The following TFAP2E variants were observed in gnomAD, a reference collection of about 807,000 sequenced individuals.
TFAP2E encodes transcription factor AP-2 epsilon, also known as transcription factor AP-2-epsilon.
Under a neutral mutation model 37.9 loss-of-function variants are expected in TFAP2E, and 30 were observed. The observed-to-expected ratio is 0.79, with a 90% CI of 0.59 to 1.07. TFAP2E has a LOEUF of 1.07. Ranked by LOEUF, TFAP2E falls within the 50% of genes least tolerant of loss-of-function variation. TFAP2E has a pLI of 0.00. For missense variants in TFAP2E, 567 were observed against 637.9 expected (o/e 0.89, Z 1.20); for synonymous variants, 318 against 295.8 (o/e 1.08, Z -0.77).
chr1:35,586,591 G>A (rs765947799), intron 3 of TFAP2E, among the ~76,000 whole-genome samples: 1 of 152,146 alleles, frequency 6.6e-6, no homozygotes, highest in Non-Finnish European at 1.5e-5. Flanking sequence ...GGCACATAAA[G>A]AAATGAAAGT....
intron 3 of TFAP2E, among the ~76,000 whole-genome samples, chr1:35,580,092 C>A (rs771522529): frequency 6.6e-6 from 1 of 152,118 alleles, no homozygotes; most frequent in Non-Finnish European, 1.5e-5. Flanking sequence ...CGCCTGTAGT[C>A]CCAGCTACTC....
At chr1:35,585,354 G>A (rs1649454766) in intron 3 of TFAP2E, among the ~76,000 whole-genome samples, 1 of 152,132 alleles carries the variant, frequency 6.6e-6, no homozygotes, top group African/African-American at 2.4e-5. Flanking sequence ...AACAAACCAG[G>A]AGCTTTGTGT....
chr1:35,585,118 CAGTA>C (rs1252785403), intron 3 of TFAP2E, among the ~76,000 whole-genome samples: 2 of 152,036 alleles, frequency 1.3e-5, no homozygotes, highest in African/African-American at 4.8e-5. Context: ...TGCCTAAACT[CAGTA>C]GAGTGGAGCA....
rs1175734957 is a variant in TFAP2E at position 35,594,853 on chromosome 1, G to T, written c.*177G>T. 3.4e-6 allele frequency: 3 copies of T among 876,222 alleles called. No homozygotes were observed. The highest frequency in any genetic ancestry group is 5.1e-6 in the Non-Finnish European group (3 of 583,728). 54.3% of individuals were successfully genotyped at this position (876,222 alleles called of 1,614,324 possible). ...TGGAGTAAGGGAGGGTGGCCTCTCT[G>T]TGGTGGTGTGTTGGTAAGTTAAGGG... On this transcript the variant is annotated 3_prime_UTR_variant, in exon 7 of 7. Coordinates refer to ENST00000373235, the MANE Select transcript of TFAP2E (RefSeq NM_178548.4).
chr1:35,576,896 G>C (rs889381205), intron 3 of TFAP2E, among the ~76,000 whole-genome samples: 1 of 151,912 alleles, frequency 6.6e-6, no homozygotes, highest in African/African-American at 2.4e-5. Context: ...ACAACCGCGC[G>C]GGACGGGGCC....
At chr1:35,582,994 C>T (rs1182105714) in intron 3 of TFAP2E, among the ~76,000 whole-genome samples, 1 of 151,982 alleles carries the variant, frequency 6.6e-6, no homozygotes, top group Non-Finnish European at 1.5e-5. Context: ...CTTCCGCCTC[C>T]CGGGTTCAAG....
chr1:35,574,476 A>AGAAGGTGACAAATGCAG (rs1553120817), intron 2 of TFAP2E, 67 bp downstream of exon 2: 1 of 1,351,118 alleles, frequency 7.4e-7, no homozygotes, highest in African/African-American at 1.5e-5. Flanking sequence ...GGCTGGAGGC[A>AGAAGGTGACAAATGCAG]GAAGGTGACA....
At position 35,594,431 on chromosome 1, in the gene TFAP2E, G is replaced by A. The variant is rs1257084583; in HGVS notation, c.1084G>A (p.Asp362Asn). ...CKEFADLMAQDRSPLGNSRPA... is the reference protein window; with the variant it reads ...CKEFADLMAQNRSPLGNSRPA... ...GGAGTTTGCAGACTTGATGGCTCAG[G>A]ACCGCTCACCGCTGGGCAACAGCCG... Residue 362 changes from aspartate (D) to asparagine (N), a missense_variant, in exon 7 of 7, where the codon GAC becomes AAC. Physicochemically the swap from Asp to Asn is conservative, Grantham distance 23 (BLOSUM62 1). Transcript: ENST00000373235. 2 of 1,614,096 alleles carry A rather than the reference G, an allele frequency of 1.2e-6. No homozygotes were observed. Among genetic ancestry groups the A allele is most frequent in the Non-Finnish European group, 1.7e-6 (2 of 1,180,030 alleles).
At chr1:35,581,818 C>T (rs948262144) in intron 3 of TFAP2E, among the ~76,000 whole-genome samples, 3 of 151,916 alleles carry the variant, frequency 2.0e-5, no homozygotes, top group Non-Finnish European at 4.4e-5. Context: ...GTGATCCACC[C>T]GCCTTGGCCT....
At position 35,594,753 on chromosome 1, in the gene TFAP2E, G is replaced by T. The variant is rs1649784775; in HGVS notation, c.*77G>T. Reference sequence around the variant, plus strand: ...TTAGCTCTTGGGGGTGGGCCTGGAAGGACTGAAAGGTGGGATTAGAGTCAG... The same window carrying T: ...TTAGCTCTTGGGGGTGGGCCTGGAATGACTGAAAGGTGGGATTAGAGTCAG... On this transcript the variant is annotated 3_prime_UTR_variant, in exon 7 of 7. Transcript: ENST00000373235. 1 of 1,585,610 alleles carries T rather than the reference G, an allele frequency of 6.3e-7. No individual in the cohort carries two copies. The highest frequency in any genetic ancestry group is 1.1e-5 in the South Asian group (1 of 88,984).
Position 35,573,427 on chromosome 1 carries a change from C to T in TFAP2E, c.-151C>T, listed in dbSNP as rs932830182. 69 of 1,055,922 alleles carry T rather than the reference C, an allele frequency of 6.5e-5. No homozygotes were observed. The Middle Eastern group carries it at 2.3e-3, about 36-fold the overall frequency. 65.4% of individuals were successfully genotyped at this position (1,055,922 alleles called of 1,614,324 possible). A position where few individuals can be genotyped will look rare whatever the true frequency, so the allele number is the denominator to read the frequency against. ...CGGGAACGGCCACCGCTGAGGACCCCACGCCCACTAGGATCCCGGCTGGGT... is the reference window on the plus strand; with the variant it reads ...CGGGAACGGCCACCGCTGAGGACCCTACGCCCACTAGGATCCCGGCTGGGT... On this transcript the variant is annotated 5_prime_UTR_variant, in exon 1 of 7. Transcript: ENST00000373235. This position sits in a 1 kb window ranked among gnomAD's most constrained non-coding sequence, Gnocchi z 5.9.
At position 35,579,412 on chromosome 1, in the gene TFAP2E, C is replaced by CT. The variant is rs1405384189; in HGVS notation, c.562+4420dup. Among the ~76,000 whole-genome samples the CT allele has an allele frequency of 2.0e-5, 3 of 150,716 alleles. 1 individual carries two copies. Among genetic ancestry groups the CT allele is most frequent in the Admixed American group, 6.6e-5 (1 of 15,138 alleles). On this transcript the variant is annotated intron_variant, in intron 3 of 6. Coordinates refer to ENST00000373235, the MANE Select transcript of TFAP2E (RefSeq NM_178548.4). ...ACTCTGTCTCAAAAAAAAAAAAAATCTTTTTTTTCGAGACACAGTTTTACT... is the reference window on the plus strand; with the variant it reads ...ACTCTGTCTCAAAAAAAAAAAAAATCTTTTTTTTTCGAGACACAGTTTTACT...
At position 35,580,103 on chromosome 1, in the gene TFAP2E, C is replaced by T. The variant is rs572670531; in HGVS notation, c.562+5103C>T. ...TGCACGCCTGTAGTCCCAGCTACTC[C>T]GGAGGCTGAGACAGGAAAATCGCTT... On this transcript the variant is annotated intron_variant, in intron 3 of 6. Coordinates refer to ENST00000373235, the MANE Select transcript of TFAP2E (RefSeq NM_178548.4). 4.6e-5 allele frequency among the ~76,000 whole-genome samples: 7 copies of T among 151,950 alleles called. No individual in the cohort carries two copies. The East Asian group carries it at 7.8e-4, about 17-fold the overall frequency.
At chr1:35,579,779 C>T (rs1330659446) in intron 3 of TFAP2E, among the ~76,000 whole-genome samples, 2 of 152,210 alleles carry the variant, frequency 1.3e-5, no homozygotes, top group East Asian at 3.8e-4. Flanking sequence ...CCCTTTCTCA[C>T]CTGCCTCCCA....
At chr1:35,578,312 C>T (rs1373477957) in intron 3 of TFAP2E, among the ~76,000 whole-genome samples, 4 of 151,954 alleles carry the variant, frequency 2.6e-5, no homozygotes, top group Non-Finnish European at 4.4e-5. Flanking sequence ...TCTGTAGTCC[C>T]AGCTACTAGG....
intron 6 of TFAP2E, among the ~76,000 whole-genome samples, chr1:35,591,063 C>T (rs946365003): frequency 6.6e-6 from 1 of 152,140 alleles, no homozygotes; most frequent in Non-Finnish European, 1.5e-5. Context: ...GTACCTGCGG[C>T]CCATGTGGCA....
At chr1:35,591,286 A>G (rs1019245175) in intron 6 of TFAP2E, among the ~76,000 whole-genome samples, 3 of 152,178 alleles carry the variant, frequency 2.0e-5, no homozygotes, top group Admixed American at 6.5e-5. Context: ...GTGATGTCAC[A>G]TACTGGCTCA....
intron 6 of TFAP2E, among the ~76,000 whole-genome samples, chr1:35,592,406 T>C (rs1257738461): frequency 6.6e-6 from 1 of 152,150 alleles, no homozygotes; most frequent in East Asian, 1.9e-4. Context: ...TTTTTATTTA[T>C]TTATTTATTG....
chr1:35,589,188 C>A (rs77269054), intron 4 of TFAP2E, among the ~76,000 whole-genome samples: 1 of 125,936 alleles, frequency 7.9e-6, no homozygotes, highest in Non-Finnish European at 1.7e-5. Flanking sequence ...GTGTCCTGCT[C>A]TGTGTGTGTG....
Sources: allele counts gnomAD v4.1 joint callset (sites outside exome capture counted in the v4.1 genomes callset), GRCh38; gene constraint gnomAD v4.1.1; non-coding constraint Gnocchi (gnomAD v3.1); transcripts MANE v1.5; gene names NCBI Gene and HGNC (gene_info 2026-07-23, HGNC 2026-07-21).